U2SURP: variants seen among roughly 807,000 people sequenced by gnomAD.
The protein encoded by U2SURP is U2 snRNP-associated SURP motif-containing protein.
A neutral mutation model predicts 144.9 loss-of-function variants in U2SURP; 9 were observed. The ratio of observed to expected loss-of-function variants is 0.06; its 90% confidence interval spans 0.04 to 0.11. The LOEUF is 0.11. U2SURP is among the 10% of genes least tolerant of loss of function. The pLI is 1.00. For missense variants in U2SURP, 724 were observed against 1,226.7 expected (o/e 0.59, Z 6.12); for synonymous variants, 408 against 396.8 (o/e 1.03, Z -0.33).
chr3:143,004,378 T>A (rs1487638737), intron 1 of U2SURP, among the ~76,000 whole-genome samples: 7 of 102,740 alleles, frequency 6.8e-5, no homozygotes, highest in African/African-American at 9.6e-5. Context: ...TTTTTTTTTT[T>A]TTTGAGAGGG....
In U2SURP at chr3:143,058,103, T is replaced by C. The variant is rs1287091109; in HGVS notation, c.*1653T>C. On this transcript the variant is annotated 3_prime_UTR_variant, in exon 28 of 28. Transcript: ENST00000473835. ...CATTTGGTGCTGATACTCAAAAACC[T>C]ACAAATGTAGCCATTTAAAAAGTAA... is the stretch of plus-strand genomic sequence containing the variant. 6.6e-6 allele frequency: 1 copy of C among 152,430 alleles called. No individual in the cohort carries two copies. Among genetic ancestry groups the C allele is most frequent in the Non-Finnish European group, 1.5e-5 (1 of 67,860 alleles). The allele number at this position is 152,430 out of a possible 1,614,324, so 9.4% of individuals were successfully genotyped here. A position where few individuals can be genotyped will look rare whatever the true frequency, so the allele number is the denominator to read the frequency against.
intron 16 of U2SURP, 87 bp downstream of exon 16, chr3:143,028,733 T>C (rs1186790671): frequency 4.2e-6 from 5 of 1,184,612 alleles, no homozygotes; most frequent in Non-Finnish European, 5.8e-6. Context: ...ATGTTAACCC[T>C]AAAATAAATT....
At position 143,059,612 on chromosome 3, in the gene U2SURP, C is replaced by CT. The variant is rs1935295808; in HGVS notation, c.*3164dup. The CT allele has an allele frequency of 6.6e-6, 1 of 151,868 alleles. No individual in the cohort carries two copies. Among genetic ancestry groups the CT allele is most frequent in the African/African-American group, 2.4e-5 (1 of 41,398 alleles). 9.4% of individuals were successfully genotyped at this position (151,868 alleles called of 1,614,324 possible). A position where few individuals can be genotyped will look rare whatever the true frequency, so the allele number is the denominator to read the frequency against. The stretch of plus-strand genomic sequence containing the variant: ...ATAAATCTCTGTATTGCCAAAGTGA[C>CT]TTAAACTGTTCTGATGACCACACAG... On this transcript the variant is annotated 3_prime_UTR_variant, in exon 28 of 28. Coordinates refer to ENST00000473835, the MANE Select transcript of U2SURP (RefSeq NM_001080415.2).
intron 6 of U2SURP, among the ~76,000 whole-genome samples, chr3:143,017,624 A>C (rs1235532809): frequency 1.3e-5 from 2 of 152,038 alleles, no homozygotes; most frequent in Non-Finnish European, 1.5e-5. Flanking sequence ...CAATACAATA[A>C]AATTTACCTT....
intron 1 of U2SURP, among the ~76,000 whole-genome samples, chr3:143,006,309 GT>G (rs1173178735): frequency 1.3e-5 from 2 of 152,196 alleles, no homozygotes; most frequent in Admixed American, 6.5e-5. Flanking sequence ...GGTAGCTGTT[GT>G]TAATGAGTGG....
In U2SURP at chr3:143,037,249, A is replaced by G; in HGVS notation, c.2135A>G (p.Asp712Gly). Residue 712 changes from aspartate (D) to glycine (G), a missense_variant, in exon 21 of 28, where the codon GAT (aspartate) becomes GGT (glycine). By Grantham distance (94) the Asp-to-Gly change is moderately conservative. This residue lies in a region of U2SURP where 116 missense variants were observed against 167.9 expected (regional missense o/e 0.69). Coordinates refer to ENST00000473835, the MANE Select transcript of U2SURP (RefSeq NM_001080415.2). ...ELDGAPLEDV[D>G]GIPIDATPID... ...GATGGTGCACCTCTGGAAGATGTAG[A>G]TGGAATTCCTATTGATGCTACTCCC... 6.2e-7 allele frequency: 1 copy of G among 1,612,730 alleles called. No homozygotes were observed. The highest frequency in any genetic ancestry group is 2.2e-5 in the East Asian group (1 of 44,854).
intron 19 of U2SURP, among the ~76,000 whole-genome samples, chr3:143,035,560 C>T (rs533922387): frequency 1.1e-3 from 174 of 152,218 alleles, no homozygotes; most frequent in African/African-American, 3.9e-3. Flanking sequence ...AGACAAGTTT[C>T]AGGAAGATAC....
chr3:143,034,819 G>T, intron 18 of U2SURP, 69 bp from the exon 19 acceptor site: 1 of 1,008,454 alleles, frequency 9.9e-7, no homozygotes, highest in Non-Finnish European at 1.5e-6. Context: ...GGTTTTCATT[G>T]GCTGGCATGC....
intron 16 of U2SURP, among the ~76,000 whole-genome samples, chr3:143,030,401 C>T (rs1354600189): frequency 6.6e-6 from 1 of 152,150 alleles, no homozygotes; most frequent in Non-Finnish European, 1.5e-5. Flanking sequence ...ACAACAAAGC[C>T]TGGATGACAG....
chr3:143,040,448 T>C (rs138097340), intron 23 of U2SURP, among the ~76,000 whole-genome samples: 7 of 152,030 alleles, frequency 4.6e-5, no homozygotes, highest in Non-Finnish European at 8.9e-5. Context: ...CATGCCTCAC[T>C]ACTACTCTCT....
intron 18 of U2SURP, 43 bp downstream of exon 18, chr3:143,033,393 T>C (rs1468481609): frequency 9.4e-7 from 1 of 1,063,716 alleles, no homozygotes; most frequent in Non-Finnish European, 1.4e-6. Context: ...ATAAAGTATT[T>C]AAGGGTAAGG....
At chr3:143,011,949 C>T (rs1346972377) in intron 2 of U2SURP, 3 of 549,364 alleles carry the variant, frequency 5.5e-6, no homozygotes, top group South Asian at 1.5e-5. Context: ...TTTTGGCAGA[C>T]ATTTTCTTGA....
chr3:143,036,012 G>A lies in U2SURP; in HGVS notation c.1972G>A (p.Glu658Lys). The stretch of plus-strand genomic sequence containing the variant: ...GGTAATGACTTGCTTCAGAGCATGG[G>A]AAGATTGGGCAATTTATCCAGAACC... ...QRVMTCFRAW[E>K]DWAIYPEPFL... The change falls in exon 20 of 28, where the codon GAA becomes AAA. Residue 658 changes from glutamate to lysine, a missense_variant. Coordinates refer to ENST00000473835, the MANE Select transcript of U2SURP (RefSeq NM_001080415.2). The A allele has an allele frequency of 6.2e-7, 1 of 1,609,460 alleles. No individual in the cohort carries two copies. Among genetic ancestry groups the A allele is most frequent in the Non-Finnish European group, 8.5e-7 (1 of 1,178,424 alleles).
chr3:143,041,238 A>G lies in U2SURP; in HGVS notation c.2385-1879A>G, dbSNP rs186878172. Among the ~76,000 whole-genome samples, 600 of 152,028 alleles carry G rather than the reference A, an allele frequency of 3.9e-3. 8 individuals are homozygous for G. The highest frequency in any genetic ancestry group is 2.7e-3 in the Non-Finnish European group (180 of 67,782). On this transcript the variant is annotated intron_variant, in intron 23 of 27. Coordinates refer to ENST00000473835, the MANE Select transcript of U2SURP (RefSeq NM_001080415.2). Reference sequence around the variant, plus strand: ...GTTTACATAAACACACATACACTTCAATCTAAAAGCATCTGAAACACTTGT... The same window carrying G: ...GTTTACATAAACACACATACACTTCGATCTAAAAGCATCTGAAACACTTGT...
At chr3:143,026,002 G>A (rs1172611536) in intron 13 of U2SURP, 2 of 152,028 alleles carry the variant, frequency 1.3e-5, no homozygotes, top group East Asian at 3.8e-4. Flanking sequence ...ATTTGAGCTG[G>A]GAATGCTAAA....
At chr3:143,015,105 T>C (rs1936300090) in intron 4 of U2SURP, among the ~76,000 whole-genome samples, 1 of 152,128 alleles carries the variant, frequency 6.6e-6, no homozygotes. Context: ...GTCAGTAGTG[T>C]ATGAATGAAT....
chr3:143,008,096 A>G (rs1254167005), intron 1 of U2SURP, among the ~76,000 whole-genome samples: 1 of 152,248 alleles, frequency 6.6e-6, no homozygotes, highest in African/African-American at 2.4e-5. Flanking sequence ...GTGCTACACT[A>G]TGCTGTTACT....
intron 23 of U2SURP, among the ~76,000 whole-genome samples, chr3:143,041,969 TACAC>T (rs10550292): frequency 1.1e-4 from 16 of 149,504 alleles, no homozygotes; most frequent in Non-Finnish European, 1.3e-4. Context: ...GCCAATAGTA[TACAC>T]ACACACACAC....
chr3:143,040,793 A>G (rs1246888212), intron 23 of U2SURP, among the ~76,000 whole-genome samples: 1 of 151,894 alleles, frequency 6.6e-6, no homozygotes, highest in Admixed American at 6.6e-5. Flanking sequence ...ATTTTAAATC[A>G]TGAATAGAGC....
Sources: allele counts gnomAD v4.1 joint callset (sites outside exome capture counted in the v4.1 genomes callset), GRCh38; gene constraint gnomAD v4.1.1; regional missense constraint gnomAD v4.1.1; transcripts MANE v1.5; gene names NCBI Gene and HGNC (gene_info 2026-07-23, HGNC 2026-07-21).